Variants in MVP observed in about 807,000 individuals in gnomAD.
The protein encoded by MVP is lung resistance-related protein.
In MVP, 62 loss-of-function variants were observed where a neutral mutation model predicts 83.5. That is an observed-to-expected ratio of 0.74 (90% CI 0.61 to 0.92). The LOEUF (loss-of-function observed/expected upper bound fraction) is 0.92, where lower values mean the gene tolerates loss of function less well. MVP is among the 40% of genes least tolerant of loss of function. MVP has a pLI of 0.00. For missense variants in MVP, 1,000 were observed against 1,203.4 expected (o/e 0.83, Z 2.50); for synonymous variants, 505 against 504.1 (o/e 1.00, Z -0.02).
At position 29,841,451 on chromosome 16, in the gene MVP, C is replaced by A; in HGVS notation, c.1192-145C>A. 1 of 1,121,850 alleles carries A rather than the reference C, an allele frequency of 8.9e-7. No homozygotes were observed. The highest frequency in any genetic ancestry group is 1.2e-6 in the Non-Finnish European group (1 of 812,300). 69.5% of individuals were successfully genotyped at this position (1,121,850 alleles called of 1,614,324 possible). On this transcript the variant is annotated intron_variant, in intron 8 of 14. Coordinates refer to ENST00000357402, the MANE Select transcript of MVP (RefSeq NM_005115.5). The surrounding 1 kb of genome is among the most constrained non-coding windows in gnomAD (Gnocchi z 4.7). ...ATGACAGGGCCAGCAGATGGCAAAC[C>A]CGGGGTGGAGCCTGGCCTCCCCGTA...
chr16:29,841,796 C>T lies in MVP; in HGVS notation c.1392C>T (p.His464=). 1 of 1,613,044 alleles carries T rather than the reference C, an allele frequency of 6.2e-7. No homozygotes were observed. The highest frequency in any genetic ancestry group is 8.5e-7 in the Non-Finnish European group (1 of 1,180,008). The change falls in exon 9 of 15, where the codon CAC becomes CAT. Residue 464 remains histidine (H), a synonymous_variant. Transcript: ENST00000357402. This position sits in a 1 kb window ranked among gnomAD's most constrained non-coding sequence, Gnocchi z 4.7. ...KTRVVSYRVP[H]NAAVQVYDYR... ...GTGTGGTCAGCTACCGCGTGCCCCA[C>T]AACGCTGCGGTGCAGGTGTACGACT... is the stretch of plus-strand genomic sequence containing the variant.
In MVP at chr16:29,847,294, C is replaced by T. The variant is rs1402451600; in HGVS notation, c.2363C>T (p.Ala788Val). Residue 788 changes from alanine (A) to valine (V), a missense_variant, in exon 14 of 15, where the codon GCT becomes GTT. By Grantham distance (64) the Ala-to-Val change is moderately conservative (BLOSUM62 0). Transcript: ENST00000357402. Reference sequence around the variant, plus strand: ...GAGGTGAGCAAGGCTCAGCAGCTGGCTGAGGTGGAGGTGAAGAAGTTCAAG... The same window carrying T: ...GAGGTGAGCAAGGCTCAGCAGCTGGTTGAGGTGGAGGTGAAGAAGTTCAAG... ...ELEVSKAQQL[A>V]EVEVKKFKQM... 1 of 1,612,798 alleles carries T rather than the reference C, an allele frequency of 6.2e-7. No homozygotes were observed. The highest frequency in any genetic ancestry group is 1.7e-5 in the Admixed American group (1 of 59,672).
intron 3 of MVP, among the ~76,000 whole-genome samples, chr16:29,832,826 A>G (rs1005712188): frequency 1.3e-5 from 2 of 151,856 alleles, no homozygotes; most frequent in African/African-American, 4.8e-5. Context: ...GCACTTTGGG[A>G]GGCCAAGGTA....
Position 29,830,664 on chromosome 16 carries a change from G to T in MVP, c.115G>T (p.Asp39Tyr), listed in dbSNP as rs1273118041. ...CGGGCCAAAGACCTACATCCGGCAG[G>T]ACAATGAGAGGTGGGTGTGGGGGCT... ...EVGPKTYIRQ[D>Y]NERVLFAPMR... is the part of the protein sequence containing the mutation. The change falls in exon 2 of 15, where the codon GAC becomes TAC. Residue 39 changes from aspartate (D) to tyrosine (Y), a missense_variant. Coordinates refer to ENST00000357402, the MANE Select transcript of MVP (RefSeq NM_005115.5). 1.2e-6 allele frequency: 2 copies of T among 1,614,010 alleles called. No homozygotes were observed. The highest frequency in any genetic ancestry group is 1.7e-6 in the Non-Finnish European group (2 of 1,179,988).
At position 29,844,889 on chromosome 16, in the gene MVP, G is replaced by T; in HGVS notation, c.2021+10G>T. 1 of 1,593,758 alleles carries T rather than the reference G, an allele frequency of 6.3e-7. No homozygotes were observed. Among genetic ancestry groups the T allele is most frequent in the Non-Finnish European group, 8.5e-7 (1 of 1,175,618 alleles). ...AGGAAGCGGCGGCCAAGTAAGTGAG[G>T]CTGGGAGCTCGGCTGCCTATAATGC... On this transcript the variant is annotated intron_variant, in intron 11 of 14. Transcript: ENST00000357402.
chr16:29,827,977 C>T (rs757130781), intron 1 of MVP, among the ~76,000 whole-genome samples: 3 of 152,104 alleles, frequency 2.0e-5, no homozygotes, highest in Non-Finnish European at 4.4e-5. Context: ...TATTTTTTTC[C>T]AAGACAGAGT....
At chr16:29,846,069 A>T in intron 12 of MVP, 89 bp from the exon 13 acceptor site, 1 of 1,608,360 alleles carries the variant, frequency 6.2e-7, no homozygotes, top group South Asian at 1.1e-5. Flanking sequence ...TGGGGTGTCG[A>T]TGAGACAGTG....
In MVP at chr16:29,847,325, G is replaced by A. The variant is rs1160456222; in HGVS notation, c.2394G>A (p.Met798Ile). Reference protein sequence around the residue: ...AEVEVKKFKQMTEAIGPSTIR... With the variant: ...AEVEVKKFKQITEAIGPSTIR... ...TGGAGGTGAAGAAGTTCAAGCAGAT[G>A]ACAGAGGCCATAGGCCCCAGCACCA... The change falls in exon 14 of 15, where the codon ATG becomes ATA. Residue 798 changes from methionine (M) to isoleucine (I), a missense_variant. Physicochemically the swap from Met to Ile is conservative, Grantham distance 10. Coordinates refer to ENST00000357402, the MANE Select transcript of MVP (RefSeq NM_005115.5). The A allele has an allele frequency of 6.2e-7, 1 of 1,609,034 alleles. No individual in the cohort carries two copies. The highest frequency in any genetic ancestry group is 2.2e-5 in the East Asian group (1 of 44,798).
chr16:29,840,080 C>A, intron 7 of MVP, 98 bp from the exon 8 acceptor site: 1 of 1,329,918 alleles, frequency 7.5e-7, no homozygotes, highest in Non-Finnish European at 1.0e-6. Flanking sequence ...TGCTCTTGTC[C>A]TCCACACAGG....
At chr16:29,847,453 G>T in intron 14 of MVP, 68 bp downstream of exon 14, 1 of 1,427,020 alleles carries the variant, frequency 7.0e-7, no homozygotes, top group Non-Finnish European at 9.4e-7. Flanking sequence ...AGCCAAGGCG[G>T]AAAACACAAC....
In MVP at chr16:29,836,810, A is replaced by G. The variant is rs1363623031; in HGVS notation, c.761A>G (p.Gln254Arg). The change falls in exon 7 of 15, where the codon CAG (glutamine) becomes CGG (arginine). Residue 254 changes from glutamine (Q) to arginine (R), a missense_variant. Coordinates refer to ENST00000357402, the MANE Select transcript of MVP (RefSeq NM_005115.5). ...RTGEEWLVTV[Q>R]DTEAHVPDVH... ...GGGGAGGAGTGGCTGGTAACAGTGCAGGACACAGAGGCCCACGTGCCAGAT... is the reference window on the plus strand; with the variant it reads ...GGGGAGGAGTGGCTGGTAACAGTGCGGGACACAGAGGCCCACGTGCCAGAT... The G allele has an allele frequency of 1.9e-6, 3 of 1,613,614 alleles. No homozygotes were observed. In the African/African-American group the frequency reaches 4.0e-5, roughly 22 times the overall value.
rs2067465489 is a variant in MVP, at chr16:29,833,983, C to G, written c.494C>G (p.Ala165Gly). The G allele has an allele frequency of 1.1e-5, 18 of 1,614,068 alleles. No individual in the cohort carries two copies. Among genetic ancestry groups the G allele is most frequent in the Non-Finnish European group, 1.5e-5 (18 of 1,179,970 alleles). The stretch of plus-strand genomic sequence containing the variant: ...GTGGAGGTCGTGGAGATCATTCAGG[C>G]CACCATCATCAGGCAGAACCAGGCT... ...KEVEVVEIIQ[A>G]TIIRQNQALR... Residue 165 changes from alanine to glycine, a missense_variant, in exon 5 of 15, where the codon GCC becomes GGC. Ala to Gly is a moderately conservative substitution (Grantham distance 60). Transcript: ENST00000357402.
chr16:29,836,719 C>A lies in MVP; in HGVS notation c.673-3C>A. 6.4e-7 allele frequency: 1 copy of A among 1,564,292 alleles called. No homozygotes were observed. Among genetic ancestry groups the A allele is most frequent in the Non-Finnish European group, 8.7e-7 (1 of 1,150,558 alleles). ...CTCAAATACCCAACATGTTGCTCTG[C>A]AGACAGCCCTGCACCTCCGGGCTCG... is the stretch of plus-strand genomic sequence containing the variant. On this transcript the variant is annotated splice_region_variant and splice_polypyrimidine_tract_variant and intron_variant, in intron 6 of 14. Coordinates refer to ENST00000357402, the MANE Select transcript of MVP (RefSeq NM_005115.5).
rs942526961 is a variant in MVP at position 29,822,063 on chromosome 16, T to TTG, written c.-36+1564_-36+1565dup. ...CAACATAGCGAGACCCTGTCTCTGT[T>TTG]TGTGTGTGTGTGGTTGGGGTTTTGT... On this transcript the variant is annotated intron_variant, in intron 1 of 14. Transcript: ENST00000357402. 5.9e-5 allele frequency among the ~76,000 whole-genome samples: 9 copies of TTG among 151,660 alleles called. No individual in the cohort carries two copies. The East Asian group carries it at 9.7e-4, about 16-fold the overall frequency.
At chr16:29,842,366 C>G (rs547760327) in intron 10 of MVP, among the ~76,000 whole-genome samples, 1 of 151,974 alleles carries the variant, frequency 6.6e-6, no homozygotes, top group Admixed American at 6.6e-5. Context: ...AGTGCAATGG[C>G]GCGATCTTGG....
At chr16:29,846,926 C>G (rs1456810802) in intron 13 of MVP, among the ~76,000 whole-genome samples, 4 of 151,988 alleles carry the variant, frequency 2.6e-5, no homozygotes, top group Admixed American at 2.0e-4. Flanking sequence ...GTCTCTAACC[C>G]CAGCACTTTG....
At chr16:29,826,327 TGA>T (rs2067404356) in intron 1 of MVP, among the ~76,000 whole-genome samples, 1 of 151,952 alleles carries the variant, frequency 6.6e-6, no homozygotes. Flanking sequence ...CCCATAAGGG[TGA>T]GAGCCAAGAT....
At position 29,838,814 on chromosome 16, in the gene MVP, T is replaced by C. The variant is rs544731867; in HGVS notation, c.910-1364T>C. Among the ~76,000 whole-genome samples the C allele has an allele frequency of 2.0e-5, 3 of 152,084 alleles. No individual in the cohort carries two copies. In the South Asian group the frequency reaches 6.2e-4, roughly 32 times the overall value. On this transcript the variant is annotated intron_variant, in intron 7 of 14. Coordinates refer to ENST00000357402, the MANE Select transcript of MVP (RefSeq NM_005115.5). Reference sequence around the variant, plus strand: ...TGTACTCCAGCCTGAGGCAGTAGAGTGAGATCCTGTCTCTAGGAAAAACAA... The same window carrying C: ...TGTACTCCAGCCTGAGGCAGTAGAGCGAGATCCTGTCTCTAGGAAAAACAA...
At chr16:29,845,171 G>A (rs1221670491) in intron 11 of MVP, among the ~76,000 whole-genome samples, 1 of 150,814 alleles carries the variant, frequency 6.6e-6, no homozygotes, top group Non-Finnish European at 1.5e-5. Context: ...CTGGGCAACA[G>A]GCCTGGGAGA....
Sources: allele counts gnomAD v4.1 joint callset (sites outside exome capture counted in the v4.1 genomes callset), GRCh38; gene constraint gnomAD v4.1.1; non-coding constraint Gnocchi (gnomAD v3.1); transcripts MANE v1.5; gene names NCBI Gene and HGNC (gene_info 2026-07-23, HGNC 2026-07-21).